The following GRM7 variants were observed in gnomAD, a reference collection of about 807,000 sequenced individuals.
The protein encoded by GRM7 is glutamate metabotropic receptor 7, also known as metabotropic glutamate receptor 7.
A neutral mutation model predicts 84.5 loss-of-function variants in GRM7; 35 were observed. The ratio of observed to expected loss-of-function variants is 0.41; its 90% CI spans 0.32 to 0.55. The LOEUF (loss-of-function observed/expected upper bound fraction) is 0.55. GRM7 is among the 20% of genes least tolerant of loss of function. The pLI is 0.19. For synonymous variants in GRM7, 487 were observed against 455.1 expected, an observed-to-expected ratio of 1.07 and a Z score of -0.89; for missense variants, 1,003 against 1,194.6, an observed-to-expected ratio of 0.84 and a Z score of 2.36.
intron 1 of GRM7, among the ~76,000 whole-genome samples, chr3:7,041,492 A>G (rs1416491483): frequency 6.6e-6 from 1 of 152,218 alleles, no homozygotes; most frequent in Non-Finnish European, 1.5e-5. Flanking sequence ...ATTCCATTGT[A>G]TGAACATACC....
At chr3:7,035,186 C>A (rs920533301) in intron 1 of GRM7, among the ~76,000 whole-genome samples, 1 of 152,132 alleles carries the variant, frequency 6.6e-6, no homozygotes, top group Non-Finnish European at 1.5e-5. Flanking sequence ...ACAAAATATT[C>A]TCTGTGAAAT....
intron 2 of GRM7, among the ~76,000 whole-genome samples, chr3:7,221,846 G>A (rs1308371209): frequency 1.4e-4 from 17 of 125,522 alleles, no homozygotes; most frequent in African/African-American, 4.0e-4. Context: ...TTACTCTGTC[G>A]CCAAGCCTGA....
rs1458077260 is a variant in GRM7 at position 7,295,806 on chromosome 3, G to T, written c.737-2878G>T. ...CTTGTTTAAGGCACTTATTCTAGGA[G>T]ATTTTTTGATAGCTTTTTTTTGGGG... is the stretch of plus-strand genomic sequence containing the variant. On this transcript the variant is annotated intron_variant, in intron 2 of 9. Transcript: ENST00000357716. Among the ~76,000 whole-genome samples the T allele has an allele frequency of 2.0e-5, 3 of 149,530 alleles. No homozygotes were observed. The East Asian group carries it at 5.8e-4, about 29-fold the overall frequency.
intron 4 of GRM7, among the ~76,000 whole-genome samples, chr3:7,308,430 C>T (rs968151377): frequency 6.6e-6 from 1 of 152,136 alleles, no homozygotes; most frequent in South Asian, 2.1e-4. Flanking sequence ...CATCGTACCC[C>T]CAGCACATGG....
rs138559133 is a variant in GRM7 at position 7,355,543 on chromosome 3, T to C, written c.1033+48891T>C. Reference sequence around the variant, plus strand: ...ATTTCGTAGCAAAGAACTGCCGTCATTTGCACATAACTACTCTCCTTTAGA... The same window carrying C: ...ATTTCGTAGCAAAGAACTGCCGTCACTTGCACATAACTACTCTCCTTTAGA... On this transcript the variant is annotated intron_variant, in intron 4 of 9. Coordinates refer to ENST00000357716, the MANE Select transcript of GRM7 (RefSeq NM_000844.4). 4.6e-5 allele frequency among the ~76,000 whole-genome samples: 7 copies of C among 152,202 alleles called. No homozygotes were observed. In the East Asian group the frequency reaches 1.4e-3, roughly 30 times the overall value.
At chr3:7,731,465 C>T (rs1052175620) in intron 9 of GRM7, among the ~76,000 whole-genome samples, 1 of 152,198 alleles carries the variant, frequency 6.6e-6, no homozygotes, top group Non-Finnish European at 1.5e-5. Context: ...AGTAAGCGAG[C>T]TAACTCAACC....
intron 8 of GRM7, among the ~76,000 whole-genome samples, chr3:7,588,591 A>C (rs1695628045): frequency 6.6e-6 from 1 of 152,172 alleles, no homozygotes; most frequent in African/African-American, 2.4e-5. Flanking sequence ...GTGTTGGGGA[A>C]GATAACGGGT....
chr3:7,116,645 G>A (rs542961681), intron 1 of GRM7, among the ~76,000 whole-genome samples: 19 of 152,180 alleles, frequency 1.2e-4, no homozygotes, highest in African/African-American at 3.4e-4. Context: ...TTACTGGAGT[G>A]GTACCATGAA....
At chr3:7,210,347 T>A (rs1232549497) in intron 2 of GRM7, among the ~76,000 whole-genome samples, 1 of 152,222 alleles carries the variant, frequency 6.6e-6, no homozygotes, top group Non-Finnish European at 1.5e-5. Context: ...CGCTATCTTA[T>A]AAAGCCTTAG....
At position 7,023,744 on chromosome 3, in the gene GRM7, C is replaced by CTAAAGACCCATCTTAATTACCTCTG. The variant is rs1695867181; in HGVS notation, c.520-122698_520-122674dup. Among the ~76,000 whole-genome samples, 3 of 152,256 alleles carry CTAAAGACCCATCTTAATTACCTCTG rather than the reference C, an allele frequency of 2.0e-5. No individual in the cohort carries two copies. The South Asian group carries it at 6.2e-4, about 32-fold the overall frequency. ...CACACAGTGTTCTCCCTGTGTCTCT[C>CTAAAGACCCATCTTAATTACCTCTG]TAAAGACCCATCTTAATTACCTCTG... On this transcript the variant is annotated intron_variant, in intron 1 of 9. Coordinates refer to ENST00000357716, the MANE Select transcript of GRM7 (RefSeq NM_000844.4).
At chr3:7,723,841 C>A (rs1702032615) in intron 9 of GRM7, among the ~76,000 whole-genome samples, 1 of 151,954 alleles carries the variant, frequency 6.6e-6, no homozygotes, top group South Asian at 2.1e-4. Context: ...AGTGAGAGCA[C>A]CCCACCCCAA....
chr3:7,356,055 C>A (rs1031128253), intron 4 of GRM7, among the ~76,000 whole-genome samples: 1 of 152,106 alleles, frequency 6.6e-6, no homozygotes, highest in Non-Finnish European at 1.5e-5. Context: ...TCAGCCAGTG[C>A]ACCTGGTTGT....
intron 9 of GRM7, chr3:7,686,374 A>G: frequency 6.8e-7 from 1 of 1,481,352 alleles, no homozygotes. Flanking sequence ...ACCACCAGTA[A>G]GAAAGAGTGT....
chr3:6,980,538 G>T (rs538817888), intron 1 of GRM7, among the ~76,000 whole-genome samples: 2 of 152,276 alleles, frequency 1.3e-5, no homozygotes, highest in Admixed American at 6.5e-5. Flanking sequence ...TTGTTAAAGA[G>T]ATCAGATCTT....
intron 1 of GRM7, among the ~76,000 whole-genome samples, chr3:7,092,595 T>A (rs1161722945): frequency 1.1e-5 from 1 of 94,792 alleles, no homozygotes; most frequent in African/African-American, 7.6e-5. Context: ...AAATGTTCTT[T>A]GAATTGGGGG....
intron 7 of GRM7, among the ~76,000 whole-genome samples, chr3:7,530,301 C>T (rs947977083): frequency 5.3e-5 from 8 of 152,004 alleles, no homozygotes; most frequent in African/African-American, 1.7e-4. Context: ...ATAGTATTCC[C>T]TATGTTGTAT....
At chr3:7,616,899 A>T (rs1697106618) in intron 8 of GRM7, among the ~76,000 whole-genome samples, 1 of 152,208 alleles carries the variant, frequency 6.6e-6, no homozygotes, top group South Asian at 2.1e-4. Flanking sequence ...CTAAATTAAT[A>T]CGTAGATTCA....
chr3:7,260,673 T>TTGTGTG (rs71063292), intron 2 of GRM7, among the ~76,000 whole-genome samples: 6,404 of 144,462 alleles, frequency 0.044, 282 homozygotes, highest in East Asian at 0.14. Flanking sequence ...TTCTTTTGAA[T>TTGTGTG]TGTGTGTGTG....
intron 2 of GRM7, among the ~76,000 whole-genome samples, chr3:7,285,176 C>T (rs915539406): frequency 1.3e-5 from 2 of 152,146 alleles, no homozygotes; most frequent in African/African-American, 4.8e-5. Flanking sequence ...CAAATATTCA[C>T]TACCTACCAC....
Sources: allele counts gnomAD v4.1 joint callset (sites outside exome capture counted in the v4.1 genomes callset), GRCh38; gene constraint gnomAD v4.1.1; transcripts MANE v1.5; gene names NCBI Gene and HGNC (gene_info 2026-07-23, HGNC 2026-07-21).